The following LARGE1 variants were observed in gnomAD, a reference collection of about 807,000 sequenced individuals.
The protein encoded by LARGE1 is LARGE xylosyl- and glucuronyltransferase 1, also known as xylosyl- and glucuronyltransferase LARGE1.
A neutral mutation model predicts 87.6 loss-of-function variants in LARGE1; 43 were observed. The ratio of observed to expected loss-of-function variants is 0.49; its 90% CI spans 0.38 to 0.63. LARGE1 has a LOEUF of 0.63. Among genes scored for constraint, LARGE1 ranks in the 30% least tolerant of loss-of-function variants. LARGE1 has a pLI of 0.00. For missense variants in LARGE1, 802 were observed against 1,000.2 expected (o/e 0.80, Z 2.67); for synonymous variants, 434 against 394.6 (o/e 1.10, Z -1.18).
intron 11 of LARGE1, among the ~76,000 whole-genome samples, chr22:33,260,160 G>A (rs914769148): frequency 5.3e-5 from 8 of 152,116 alleles, no homozygotes; most frequent in Non-Finnish European, 1.0e-4. Flanking sequence ...CTGAAACCCC[G>A]CAAAGCCTCT....
At chr22:33,123,070 C>T in the LARGE1 span, among the ~76,000 whole-genome samples, 1 of 152,112 alleles carries the variant, frequency 6.6e-6, no homozygotes, top group Non-Finnish European at 1.5e-5. Flanking sequence ...ACTGAGGAAT[C>T]TCCAAGGCGG....
chr22:33,724,940 G>A (rs2083223533), intron 2 of LARGE1: 1 of 152,446 alleles, frequency 6.6e-6, no homozygotes, highest in Non-Finnish European at 1.5e-5. Context: ...GGTGGGAGGA[G>A]GAGGGTTCTG....
At chr22:33,584,530 T>C (rs1162659599) in intron 5 of LARGE1, among the ~76,000 whole-genome samples, 1 of 152,234 alleles carries the variant, frequency 6.6e-6, no homozygotes, top group African/African-American at 2.4e-5. Context: ...TGGAACAGTG[T>C]GCATTCAGCA....
intron 1 of LARGE1, among the ~76,000 whole-genome samples, chr22:33,886,319 T>C (rs2064844139): frequency 1.3e-5 from 2 of 152,182 alleles, no homozygotes; most frequent in Admixed American, 1.3e-4. Context: ...GGGGCACATT[T>C]AGAGAAAAGA....
At chr22:33,301,764 C>A (rs1030641409) in intron 12 of LARGE1, among the ~76,000 whole-genome samples, 3 of 152,318 alleles carry the variant, frequency 2.0e-5, no homozygotes, top group Admixed American at 2.0e-4. Flanking sequence ...AGGCCAACTA[C>A]CACCTCAAGT....
At chr22:33,620,324 T>C (rs990978691) in intron 4 of LARGE1, among the ~76,000 whole-genome samples, 6 of 152,158 alleles carry the variant, frequency 3.9e-5, no homozygotes, top group African/African-American at 1.4e-4. Context: ...GCCCAGGAGG[T>C]AAACACTTAG....
chr22:33,250,046 A>T (rs1926942716), intron 11 of LARGE1, among the ~76,000 whole-genome samples: 1 of 152,164 alleles, frequency 6.6e-6, no homozygotes, highest in South Asian at 2.1e-4. Flanking sequence ...TAAACTTTAG[A>T]ATCAGTTTGC....
intron 11 of LARGE1, among the ~76,000 whole-genome samples, chr22:33,187,353 G>T (rs1302145021): frequency 6.6e-6 from 1 of 151,982 alleles, no homozygotes; most frequent in Non-Finnish European, 1.5e-5. Context: ...GTACAAACTT[G>T]GAGAACATTA....
chr22:33,801,787 C>G (rs1349886115), intron 1 of LARGE1, among the ~76,000 whole-genome samples: 1 of 152,048 alleles, frequency 6.6e-6, no homozygotes, highest in Non-Finnish European at 1.5e-5. Flanking sequence ...GAAGAGGTAC[C>G]TGGACAAATT....
chr22:33,856,174 T>C (rs1365445372), intron 1 of LARGE1, among the ~76,000 whole-genome samples: 2 of 152,102 alleles, frequency 1.3e-5, no homozygotes, highest in East Asian at 3.9e-4. Flanking sequence ...TTTCAAAATG[T>C]TTCATGTGCA....
chr22:33,542,892 T>C (rs1333322470), intron 6 of LARGE1, among the ~76,000 whole-genome samples: 1 of 152,194 alleles, frequency 6.6e-6, no homozygotes. Flanking sequence ...CACAGACTTC[T>C]GTCCAAGCGA....
chr22:33,640,538 G>T (rs1307203898), intron 3 of LARGE1, among the ~76,000 whole-genome samples: 2 of 151,586 alleles, frequency 1.3e-5, no homozygotes, highest in African/African-American at 4.8e-5. Flanking sequence ...AGCTGCAGGA[G>T]TTTTTTTTTC....
chr22:33,521,032 G>T (rs1327636250), intron 6 of LARGE1, among the ~76,000 whole-genome samples: 1 of 152,242 alleles, frequency 6.6e-6, no homozygotes, highest in East Asian at 1.9e-4. Context: ...GCTTGCCAAA[G>T]AGGAGCCTGG....
intron 2 of LARGE1, 86 bp downstream of exon 2, chr22:33,761,285 G>A: frequency 9.6e-7 from 1 of 1,037,084 alleles, no homozygotes. Context: ...CCTATTAGAT[G>A]GCTTTGAGTT....
chr22:33,280,672 C>A (rs60775913), intron 13 of LARGE1, among the ~76,000 whole-genome samples: 6,243 of 152,150 alleles, frequency 0.041, 426 homozygotes, highest in African/African-American at 0.14. Flanking sequence ...TAAAACAAGC[C>A]CCAGCCTGTG....
At chr22:33,760,340 TGG>T (rs1780232267) in intron 2 of LARGE1, among the ~76,000 whole-genome samples, 1 of 152,320 alleles carries the variant, frequency 6.6e-6, no homozygotes, top group African/African-American at 2.4e-5. Flanking sequence ...CACTGATTTC[TGG>T]AAAGTAGCAG....
chr22:33,309,403 G>A (rs1434735438), intron 11 of LARGE1, among the ~76,000 whole-genome samples: 1 of 152,146 alleles, frequency 6.6e-6, no homozygotes, highest in African/African-American at 2.4e-5. Context: ...CTGACCTCAG[G>A]TGATTTGACT....
At chr22:33,580,787 T>C (rs1405593013) in intron 5 of LARGE1, among the ~76,000 whole-genome samples, 1 of 152,256 alleles carries the variant, frequency 6.6e-6, no homozygotes, top group African/African-American at 2.4e-5. Flanking sequence ...GATCATTGCT[T>C]GCTATTTTCT....
chr22:33,390,392 T>C (rs576832683), intron 7 of LARGE1, among the ~76,000 whole-genome samples: 1 of 152,336 alleles, frequency 6.6e-6, no homozygotes, highest in East Asian at 1.9e-4. Flanking sequence ...GGAGGTGATG[T>C]TTCCGATGTC....
Sources: allele counts gnomAD v4.1 joint callset (sites outside exome capture counted in the v4.1 genomes callset), GRCh38; gene constraint gnomAD v4.1.1; transcripts MANE v1.5; gene names NCBI Gene and HGNC (gene_info 2026-07-23, HGNC 2026-07-21).